The following PDK1 variants were observed in gnomAD, a reference collection of about 807,000 sequenced individuals.
PDK1 encodes the protein pyruvate dehydrogenase kinase 1.
In PDK1, 39 loss-of-function variants were observed where a neutral mutation model predicts 54.2. That is an observed-to-expected ratio of 0.72 (90% CI 0.56 to 0.94). The LOEUF (loss-of-function observed/expected upper bound fraction) is 0.94. Among genes scored for constraint, PDK1 ranks in the 40% least tolerant of loss-of-function variants. The probability of loss-of-function intolerance (pLI) is 0.00; values close to 1 mark genes in which losing one functional copy is unlikely to be tolerated. For missense variants in PDK1, 552 were observed against 566.0 expected, an observed-to-expected ratio of 0.98 and a Z score of 0.25; for synonymous variants, 221 against 207.1, an observed-to-expected ratio of 1.07 and a Z score of -0.58.
the PDK1 span, among the ~76,000 whole-genome samples, chr2:172,664,869 G>A: frequency 6.6e-6 from 1 of 152,076 alleles, no homozygotes; most frequent in Non-Finnish European, 1.5e-5. Flanking sequence ...TTTCTCAGTT[G>A]ATATAATCGA....
At position 172,600,970 on chromosome 2, in the gene PDK1, C is replaced by T. The variant is rs1387902222; in HGVS notation, c.*5001C>T. 6.6e-6 allele frequency: 1 copy of T among 152,112 alleles called. No homozygotes were observed. Among genetic ancestry groups the T allele is most frequent in the Non-Finnish European group, 1.5e-5 (1 of 68,024 alleles). The allele number at this position is 152,112 out of a possible 1,614,324, so 9.4% of individuals were successfully genotyped here. ...GTGCCCCTAAAGGGAAAGGAATGTG[C>T]TTATTAAGGGCCACTGTTTTACTGG... On this transcript the variant is annotated 3_prime_UTR_variant, in exon 11 of 11. Coordinates refer to ENST00000282077, the MANE Select transcript of PDK1 (RefSeq NM_002610.5).
At chr2:172,631,960 A>G in the PDK1 span, among the ~76,000 whole-genome samples, 20 of 152,292 alleles carry the variant, frequency 1.3e-4, no homozygotes, top group African/African-American at 4.6e-4. Flanking sequence ...ACTTTAGAAT[A>G]AAGTATTCAG....
chr2:172,681,246 C>A, the PDK1 span, among the ~76,000 whole-genome samples: 3 of 152,222 alleles, frequency 2.0e-5, no homozygotes, highest in Admixed American at 2.0e-4. Flanking sequence ...GAACCAGGGA[C>A]AAAATCCGTA....
At chr2:172,669,955 T>C in the PDK1 span, among the ~76,000 whole-genome samples, 1 of 152,248 alleles carries the variant, frequency 6.6e-6, no homozygotes. Flanking sequence ...GTGGGTTGCC[T>C]CTTTGCTCTA....
chr2:172,718,390 C>T, the PDK1 span, among the ~76,000 whole-genome samples: 1 of 152,084 alleles, frequency 6.6e-6, no homozygotes, highest in African/African-American at 2.4e-5. Context: ...TATTTTGTTA[C>T]AATTTTCATT....
intron 8 of PDK1, among the ~76,000 whole-genome samples, chr2:172,575,715 G>A (rs895789705): frequency 1.3e-5 from 2 of 152,006 alleles, no homozygotes; most frequent in Non-Finnish European, 1.5e-5. Flanking sequence ...CCAGCTACTC[G>A]AGAAGCTGAG....
the PDK1 span, among the ~76,000 whole-genome samples, chr2:172,714,631 TAAC>T: frequency 2.0e-5 from 3 of 152,032 alleles, no homozygotes; most frequent in South Asian, 2.1e-4. Context: ...TCAATAAAGA[TAAC>T]AAGTAAAATG....
intron 8 of PDK1, among the ~76,000 whole-genome samples, chr2:172,585,695 G>A (rs1184293398): frequency 6.6e-6 from 1 of 152,026 alleles, no homozygotes; most frequent in Admixed American, 6.6e-5. Context: ...GTTAACTTGT[G>A]CCCAGTTCTG....
the PDK1 span, among the ~76,000 whole-genome samples, chr2:172,628,471 G>GC: frequency 6.6e-6 from 1 of 151,892 alleles, no homozygotes; most frequent in East Asian, 1.9e-4. Context: ...CTTGATCCCT[G>GC]CCCCCCACTT....
intron 9 of PDK1, among the ~76,000 whole-genome samples, chr2:172,587,534 G>A (rs535555116): frequency 4.5e-4 from 68 of 152,182 alleles, no homozygotes; most frequent in African/African-American, 1.3e-3. Context: ...AGACCTTCGC[G>A]GTGAGTGTTA....
chr2:172,633,175 T>A, the PDK1 span, among the ~76,000 whole-genome samples: 986 of 150,806 alleles, frequency 6.5e-3, 10 homozygotes, highest in African/African-American at 0.022. Flanking sequence ...CCCAAGTAGC[T>A]GGGACTATAG....
chr2:172,634,456 A>G, the PDK1 span, among the ~76,000 whole-genome samples: 4,805 of 151,726 alleles, frequency 0.032, 125 homozygotes, highest in South Asian at 0.14. Flanking sequence ...TATTTTTAGT[A>G]GAGACAGGGT....
At chr2:172,710,071 G>T in the PDK1 span, among the ~76,000 whole-genome samples, 15 of 152,186 alleles carry the variant, frequency 9.9e-5, no homozygotes, top group African/African-American at 3.4e-4. Context: ...GAGATTCTGG[G>T]TATGCAGCCA....
intron 6 of PDK1, among the ~76,000 whole-genome samples, chr2:172,567,221 A>C (rs1219017884): frequency 6.6e-6 from 1 of 152,218 alleles, no homozygotes; most frequent in Non-Finnish European, 1.5e-5. Context: ...AAATGATACC[A>C]AGAAAGTTAC....
At chr2:172,692,673 G>A in the PDK1 span, among the ~76,000 whole-genome samples, 1 of 152,222 alleles carries the variant, frequency 6.6e-6, no homozygotes, top group Admixed American at 6.5e-5. Context: ...ATTGGATCTT[G>A]CAGTGAGGTG....
At chr2:172,659,955 AATG>A in the PDK1 span, among the ~76,000 whole-genome samples, 1 of 152,192 alleles carries the variant, frequency 6.6e-6, no homozygotes, top group Non-Finnish European at 1.5e-5. Flanking sequence ...TGGTGAATCT[AATG>A]ATCTAAGTTG....
intron 10 of PDK1, among the ~76,000 whole-genome samples, chr2:172,593,404 G>A (rs1690716377): frequency 6.6e-6 from 1 of 152,102 alleles, no homozygotes. Context: ...ATATGGGTCT[G>A]CAGATTGGAG....
chr2:172,720,384 G>A, the PDK1 span, among the ~76,000 whole-genome samples: 1 of 152,032 alleles, frequency 6.6e-6, no homozygotes, highest in African/African-American at 2.4e-5. Context: ...CAAAGTTCTG[G>A]GTTTACAGGC....
intron 8 of PDK1, among the ~76,000 whole-genome samples, chr2:172,585,304 C>G (rs576027626): frequency 6.9e-6 from 1 of 145,022 alleles, no homozygotes; most frequent in Non-Finnish European, 1.5e-5. Context: ...CAGCCTAGTA[C>G]ATGCATTTTT....
Sources: gnomAD v4.1 joint callset for allele counts (sites outside exome capture counted in the v4.1 genomes callset) on GRCh38, gnomAD v4.1.1 for gene constraint, MANE v1.5 for transcripts, NCBI Gene and HGNC (gene_info 2026-07-23, HGNC 2026-07-21) for gene names.